The following CEP128 variants were observed in gnomAD, a reference collection of about 807,000 sequenced individuals.
CEP128 encodes centrosomal protein 128kDa.
In CEP128, 132 loss-of-function variants were observed where a neutral mutation model predicts 156.7. The observed-to-expected ratio is 0.84, with a 90% CI of 0.73 to 0.97. The LOEUF is 0.97. Ranked by LOEUF, CEP128 falls within the 50% of genes least tolerant of loss-of-function variation. The pLI, the probability that CEP128 is intolerant of heterozygous loss-of-function variation, is 0.00. For missense variants in CEP128, 1,252 were observed against 1,281.9 expected (o/e 0.98, Z 0.36); for synonymous variants, 469 against 448.9 (o/e 1.04, Z -0.57).
chr14:80,735,143 G>T (rs186176322), intron 19 of CEP128, among the ~76,000 whole-genome samples: 3 of 151,698 alleles, frequency 2.0e-5, no homozygotes, highest in Non-Finnish European at 4.4e-5. Flanking sequence ...GATTTCCATC[G>T]ATGTCCATTT....
chr14:80,678,305 A>G (rs1025390394), intron 19 of CEP128, among the ~76,000 whole-genome samples: 2 of 151,956 alleles, frequency 1.3e-5, no homozygotes, highest in African/African-American at 4.8e-5. Flanking sequence ...ATAAAAGATC[A>G]TCTATCAAAA....
chr14:80,754,247 G>A (rs1477070905), intron 18 of CEP128, among the ~76,000 whole-genome samples: 2 of 152,038 alleles, frequency 1.3e-5, no homozygotes, highest in African/African-American at 4.8e-5. Context: ...AGTGTTCTTT[G>A]CATTCATCAA....
At chr14:80,576,108 C>A (rs1426369183) in intron 20 of CEP128, among the ~76,000 whole-genome samples, 2 of 151,596 alleles carry the variant, frequency 1.3e-5, no homozygotes, top group Non-Finnish European at 2.9e-5. Flanking sequence ...GAAAGGTGAA[C>A]CAGGTAGACT....
In CEP128 at chr14:80,539,352, G is replaced by A. The variant is rs534505902; in HGVS notation, c.2881-8466C>T. ...ATGAGCATTGCCAGAGGAAAGCAAT[G>A]GGGACAGGATATGTTGCGGGAAGTC... is the stretch of plus-strand genomic sequence containing the variant. On this transcript the variant is annotated intron_variant, in intron 21 of 24. Transcript: ENST00000555265. Among the ~76,000 whole-genome samples the A allele has an allele frequency of 3.9e-5, 6 of 152,318 alleles. No homozygotes were observed. In the South Asian group the frequency reaches 1.2e-3, roughly 32 times the overall value.
intron 19 of CEP128, among the ~76,000 whole-genome samples, chr14:80,632,672 A>G (rs1357811860): frequency 6.6e-6 from 1 of 151,892 alleles, no homozygotes; most frequent in African/African-American, 2.4e-5. Flanking sequence ...CTATTCTTCC[A>G]TGAATGGGCA....
chr14:80,808,929 A>G (rs959691204), intron 13 of CEP128, among the ~76,000 whole-genome samples: 3 of 152,348 alleles, frequency 2.0e-5, no homozygotes, highest in Non-Finnish European at 1.5e-5. Flanking sequence ...AGATATACAG[A>G]TATCAATGTA....
intron 8 of CEP128, among the ~76,000 whole-genome samples, chr14:80,875,108 T>TA (rs1888219917): frequency 6.6e-6 from 1 of 152,276 alleles, no homozygotes; most frequent in South Asian, 2.1e-4. Flanking sequence ...AGCAGATTCT[T>TA]AAAGTTAAAT....
chr14:80,628,109 T>C (rs1023695703), intron 19 of CEP128, among the ~76,000 whole-genome samples: 3 of 152,232 alleles, frequency 2.0e-5, no homozygotes, highest in African/African-American at 7.2e-5. Context: ...CAGACCCATA[T>C]GGTGGTTTGA....
chr14:80,685,780 G>C (rs1004652780), intron 19 of CEP128, among the ~76,000 whole-genome samples: 28 of 152,002 alleles, frequency 1.8e-4, no homozygotes, highest in African/African-American at 6.0e-4. Context: ...CAATAGAACA[G>C]AATAGAAAAC....
intron 14 of CEP128, among the ~76,000 whole-genome samples, chr14:80,481,210 G>T (rs1040429810): frequency 2.0e-5 from 3 of 152,172 alleles, no homozygotes; most frequent in Admixed American, 6.5e-5. Flanking sequence ...AGTTCTGCAC[G>T]GCTGGGGAGG....
chr14:80,895,903 T>C lies in CEP128; in HGVS notation c.573-113A>G. 2.6e-6 allele frequency: 2 copies of C among 771,848 alleles called. 1 individual carries two copies. The highest frequency in any genetic ancestry group is 5.0e-5 in the South Asian group (2 of 40,036). 47.8% of individuals were successfully genotyped at this position (771,848 alleles called of 1,614,324 possible). On this transcript the variant is annotated intron_variant, in intron 7 of 24. Coordinates refer to ENST00000555265, the MANE Select transcript of CEP128 (RefSeq NM_152446.5). ...ATTACAAAATATTCTACTTTAGTGA[T>C]TCTCAAATGTTATAAACATCTGAAA...
At chr14:80,899,541 A>G (rs1883408959) in intron 7 of CEP128, among the ~76,000 whole-genome samples, 1 of 152,212 alleles carries the variant, frequency 6.6e-6, no homozygotes, top group African/African-American at 2.4e-5. Context: ...GGATTCTACA[A>G]TGGCTTATGT....
intron 9 of CEP128, among the ~76,000 whole-genome samples, chr14:80,859,366 G>A (rs1345490112): frequency 7.5e-6 from 1 of 133,962 alleles, no homozygotes; most frequent in Non-Finnish European, 1.6e-5. Context: ...ATGGACACAG[G>A]AAGGGGAACA....
At chr14:80,653,741 A>G (rs1490455109) in intron 19 of CEP128, among the ~76,000 whole-genome samples, 1 of 152,186 alleles carries the variant, frequency 6.6e-6, no homozygotes, top group Non-Finnish European at 1.5e-5. Flanking sequence ...AAATTAAAAA[A>G]CAAACAAAAA....
At position 80,818,197 on chromosome 14, in the gene CEP128, T is replaced by C. The variant is rs181913285; in HGVS notation, c.1209+12946A>G. 7.0e-4 allele frequency among the ~76,000 whole-genome samples: 107 copies of C among 152,252 alleles called. 1 individual carries two copies. Among genetic ancestry groups the C allele is most frequent in the African/African-American group, 2.4e-3 (101 of 41,554 alleles). On this transcript the variant is annotated intron_variant, in intron 13 of 24. Transcript: ENST00000555265. Reference sequence around the variant, plus strand: ...ACTATGCCTGGCTAAATTTTGCTTTTACATAGAGACAGGGTCTTACTATGT... The same window carrying C: ...ACTATGCCTGGCTAAATTTTGCTTTCACATAGAGACAGGGTCTTACTATGT...
chr14:80,757,155 A>G (rs1447379090), intron 17 of CEP128, among the ~76,000 whole-genome samples: 1 of 152,216 alleles, frequency 6.6e-6, no homozygotes, highest in African/African-American at 2.4e-5. Flanking sequence ...TTATTTATGT[A>G]TTGGCAATAA....
At chr14:80,584,654 G>C (rs543805911) in intron 19 of CEP128, among the ~76,000 whole-genome samples, 158 of 152,270 alleles carry the variant, frequency 1.0e-3, no homozygotes, top group African/African-American at 3.8e-3. Context: ...GCATCGCTGA[G>C]AAGCACCACT....
intron 9 of CEP128, among the ~76,000 whole-genome samples, chr14:80,847,342 T>C (rs557919031): frequency 6.6e-6 from 1 of 152,258 alleles, no homozygotes; most frequent in African/African-American, 2.4e-5. Context: ...TCACCATCCA[T>C]TTTCTTTTTA....
At chr14:80,917,988 G>A (rs1326334106) in intron 2 of CEP128, among the ~76,000 whole-genome samples, 1 of 152,084 alleles carries the variant, frequency 6.6e-6, no homozygotes, top group African/African-American at 2.4e-5. Flanking sequence ...ACATCCTGTT[G>A]AACACCCATG....
Sources: allele counts gnomAD v4.1 joint callset (sites outside exome capture counted in the v4.1 genomes callset), GRCh38; gene constraint gnomAD v4.1.1; transcripts MANE v1.5; gene names NCBI Gene and HGNC (gene_info 2026-07-23, HGNC 2026-07-21).